The following CFI variants were observed in gnomAD, a reference collection of about 807,000 sequenced individuals.
CFI encodes the protein C3B/C4B inactivator.
Under a neutral mutation model 78.8 loss-of-function variants are expected in CFI, and 66 were observed. The ratio of observed to expected loss-of-function variants is 0.84; its 90% CI spans 0.69 to 1.03. CFI has a LOEUF of 1.03. Among genes scored for constraint, CFI ranks in the 50% least tolerant of loss-of-function variants. The pLI is 0.00. For missense variants in CFI, 706 were observed against 704.5 expected, an observed-to-expected ratio of 1.00 and a Z score of -0.02; for synonymous variants, 250 against 232.6, an observed-to-expected ratio of 1.07 and a Z score of -0.68.
intron 1 of CFI, among the ~76,000 whole-genome samples, chr4:109,780,616 A>T (rs936339822): frequency 1.3e-5 from 2 of 152,226 alleles, no homozygotes; most frequent in Non-Finnish European, 2.9e-5. Context: ...AGAACTGGAA[A>T]TACCATTTGA....
chr4:109,738,190 C>G (rs925179580), downstream of CFI, among the ~76,000 whole-genome samples: 7 of 150,560 alleles, frequency 4.6e-5, no homozygotes, highest in East Asian at 1.4e-3. Flanking sequence ...TCACAGCTCA[C>G]TGCATCCTCA....
At chr4:109,799,695 T>C (rs1027740562) in intron 1 of CFI, among the ~76,000 whole-genome samples, 7 of 152,246 alleles carry the variant, frequency 4.6e-5, no homozygotes, top group African/African-American at 1.7e-4. Context: ...TTTGTATTTT[T>C]AGAAGAAAAT....
chr4:109,749,931 A>G (rs1443318812), intron 8 of CFI, among the ~76,000 whole-genome samples: 1 of 152,140 alleles, frequency 6.6e-6, no homozygotes, highest in Non-Finnish European at 1.5e-5. Flanking sequence ...GGCAGCTCAG[A>G]AGGGAATCAC....
chr4:109,734,800 T>A, the CFI span, among the ~76,000 whole-genome samples: 57,186 of 151,704 alleles, frequency 0.38, 11,929 homozygotes, highest in East Asian at 0.56. Context: ...CAACAGTCTG[T>A]CTAAGAAAAA....
At chr4:109,768,642 C>T (rs145350637) in intron 1 of CFI, among the ~76,000 whole-genome samples, 253 of 152,320 alleles carry the variant, frequency 1.7e-3, no homozygotes, top group African/African-American at 5.7e-3. Context: ...CCAATGCTGT[C>T]TCCCTGTCCC....
downstream of CFI, among the ~76,000 whole-genome samples, chr4:109,738,627 A>C (rs981940841): frequency 6.6e-6 from 1 of 152,156 alleles, no homozygotes; most frequent in Non-Finnish European, 1.5e-5. Context: ...AGAGAAGGCC[A>C]TGCAGGTTCT....
chr4:109,773,471 G>A (rs991775427), intron 1 of CFI, among the ~76,000 whole-genome samples: 11 of 152,152 alleles, frequency 7.2e-5, no homozygotes, highest in South Asian at 2.1e-4. Context: ...AGCCGAGATC[G>A]CGCCACTGCA....
chr4:109,749,281 C>G lies in CFI; in HGVS notation c.1085G>C (p.Gly362Ala), dbSNP rs200619905. ...PWQVAIKDASGITCGGIYIGG... is the reference protein window; with the variant it reads ...PWQVAIKDASAITCGGIYIGG... ...AATATAAATTCCCCCACAGGTGATT[C>G]CACTGGCATCCTTAATTGCCACCTG... Residue 362 changes from glycine (G) to alanine (A), a missense_variant, in exon 10 of 13, where the codon GGA (glycine) becomes GCA (alanine). Gly to Ala is a moderately conservative substitution (Grantham distance 60, BLOSUM62 0). Coordinates refer to ENST00000394634, the MANE Select transcript of CFI (RefSeq NM_000204.5). 2.1e-5 allele frequency: 34 copies of G among 1,614,026 alleles called. No individual in the cohort carries two copies. Among genetic ancestry groups the G allele is most frequent in the Non-Finnish European group, 2.7e-5 (32 of 1,180,026 alleles).
Position 109,790,645 on chromosome 4 carries a change from G to A in CFI, c.57+11270C>T, listed in dbSNP as rs183687870. 1.6e-4 allele frequency among the ~76,000 whole-genome samples: 24 copies of A among 152,176 alleles called. No individual in the cohort carries two copies. In the East Asian group the frequency reaches 4.4e-3, roughly 28 times the overall value. Reference sequence around the variant, plus strand: ...CTGATAGGCCCCTCTATGTGTCTATGTGTTCTCATAATTTAGCTTCCACTT... The same window carrying A: ...CTGATAGGCCCCTCTATGTGTCTATATGTTCTCATAATTTAGCTTCCACTT... On this transcript the variant is annotated intron_variant, in intron 1 of 12. Coordinates refer to ENST00000394634, the MANE Select transcript of CFI (RefSeq NM_000204.5).
chr4:109,748,036 T>C (rs1724693814), intron 10 of CFI, among the ~76,000 whole-genome samples: 1 of 152,160 alleles, frequency 6.6e-6, no homozygotes, highest in Non-Finnish European at 1.5e-5. Flanking sequence ...AGCTCAGGGG[T>C]AGAGTATCCC....
chr4:109,747,729 C>A (rs1407628872), intron 10 of CFI, among the ~76,000 whole-genome samples: 1 of 152,126 alleles, frequency 6.6e-6, no homozygotes, highest in South Asian at 2.1e-4. Context: ...TGTTCCTCAA[C>A]CTTTTTGGCA....
chr4:109,771,681 T>C (rs1377249574), intron 1 of CFI, among the ~76,000 whole-genome samples: 1 of 112,858 alleles, frequency 8.9e-6, no homozygotes, highest in Non-Finnish European at 1.6e-5. Context: ...ACCAGTGCAC[T>C]CCAGCCTGGG....
chr4:109,760,404 G>T (rs1561301508), intron 5 of CFI, 24 bp from the exon 6 acceptor site: 4 of 1,588,442 alleles, frequency 2.5e-6, no homozygotes, highest in East Asian at 2.2e-5. Context: ...AGCAGGAGAG[G>T]TTTTTTTCAT....
chr4:109,746,660 T>G (rs988434850), intron 10 of CFI, among the ~76,000 whole-genome samples, 158 bp from the exon 11 acceptor site: 5 of 152,224 alleles, frequency 3.3e-5, no homozygotes, highest in African/African-American at 1.2e-4. Context: ...TTAAATTTAC[T>G]TAGTGCAGAA....
At chr4:109,738,994 G>T (rs1723544023), downstream of CFI, among the ~76,000 whole-genome samples, 2 of 152,138 alleles carry the variant, frequency 1.3e-5, no homozygotes, top group Admixed American at 6.5e-5. Flanking sequence ...AAAATTTTCT[G>T]CAGATGGATG....
rs34128338 is a variant in CFI, at chr4:109,783,812, G to GATATATATATATATATAT, written c.58-17006_58-16989dup. Among the ~76,000 whole-genome samples the GATATATATATATATATAT allele has an allele frequency of 1.1e-3, 120 of 112,988 alleles. 6 individuals carry two copies. Among genetic ancestry groups the GATATATATATATATATAT allele is most frequent in the African/African-American group, 1.7e-3 (50 of 30,254 alleles). The allele number at this position is 112,988 out of a possible 152,430, so 74.1% of individuals were successfully genotyped here. ...TTCAATGAGTGGATAAAGAAACTGT[G>GATATATATATATATATAT]ATATATATATATATATATATATGAT... is the stretch of plus-strand genomic sequence containing the variant. On this transcript the variant is annotated intron_variant, in intron 1 of 12. Transcript: ENST00000394634.
chr4:109,792,205 G>A (rs760819188), intron 1 of CFI, among the ~76,000 whole-genome samples: 2 of 152,124 alleles, frequency 1.3e-5, no homozygotes, highest in Non-Finnish European at 2.9e-5. Context: ...TTATAGTGTT[G>A]TTCAAGTTCT....
At chr4:109,798,520 TA>T (rs80282320) in intron 1 of CFI, among the ~76,000 whole-genome samples, 1 of 150,940 alleles carries the variant, frequency 6.6e-6, no homozygotes, top group African/African-American at 2.4e-5. Context: ...TTTTTTTTTT[TA>T]AAAAGACCAT....
chr4:109,751,663 A>G (rs1200267223), intron 8 of CFI, among the ~76,000 whole-genome samples: 1 of 151,468 alleles, frequency 6.6e-6, no homozygotes, highest in Non-Finnish European at 1.5e-5. Context: ...CTGGTCTTGA[A>G]CTCCTGACCT....
Sources: gnomAD v4.1 joint callset for allele counts (sites outside exome capture counted in the v4.1 genomes callset) on GRCh38, gnomAD v4.1.1 for gene constraint, MANE v1.5 for transcripts, NCBI Gene and HGNC (gene_info 2026-07-23, HGNC 2026-07-21) for gene names.